The following PDAP1 variants were observed in gnomAD, a reference collection of about 807,000 sequenced individuals.
PDAP1 encodes PDGFA associated protein 1, also known as 28 kDa heat- and acid-stable phosphoprotein.
In PDAP1, 13 loss-of-function variants were observed where a neutral mutation model predicts 28.0. That is an observed-to-expected ratio of 0.46 (90% CI 0.30 to 0.74). PDAP1 has a LOEUF of 0.74. Among genes scored for constraint, PDAP1 ranks in the 30% least tolerant of loss-of-function variants. The pLI, the probability that PDAP1 is intolerant of heterozygous loss-of-function variation, is 0.07. For missense variants in PDAP1, 150 were observed against 230.0 expected (o/e 0.65, Z 2.25); for synonymous variants, 77 against 85.1 (o/e 0.91, Z 0.52).
Position 99,394,964 on chromosome 7 carries a change from CATAGGTAGAT to C in PDAP1, c.*1708_*1717del. 4 of 449,088 alleles carry C rather than the reference CATAGGTAGAT, an allele frequency of 8.9e-6. No homozygotes were observed. The highest frequency in any genetic ancestry group is 1.3e-5 in the Non-Finnish European group (4 of 305,838). The allele number at this position is 449,088 out of a possible 1,614,324, so 27.8% of individuals were successfully genotyped here. On this transcript the variant is annotated 3_prime_UTR_variant, in exon 6 of 6. Transcript: ENST00000350498. The stretch of plus-strand genomic sequence containing the variant: ...AGGGAGAGATTGGTGTTTGCACGGC[CATAGGTAGAT>C]AGCTTATTTTTACTGCTTGCCAACA...
rs1396576245 is a variant in PDAP1, at chr7:99,403,524, AC to A, written c.106-20del. On this transcript the variant is annotated intron_variant, in intron 2 of 5. Transcript: ENST00000350498. ...CTTCTTCCTGTTTCAGAAATGGACA[AC>A]CTGCAGAATCAAAAATGCAAAACAA... 6.7e-7 allele frequency: 1 copy of A among 1,490,474 alleles called. No homozygotes were observed. The highest frequency in any genetic ancestry group is 9.4e-7 in the Non-Finnish European group (1 of 1,067,436). 92.3% of individuals were successfully genotyped at this position (1,490,474 alleles called of 1,614,324 possible).
chr7:99,402,116 C>T (rs942425662), intron 3 of PDAP1, among the ~76,000 whole-genome samples: 29 of 150,628 alleles, frequency 1.9e-4, no homozygotes, highest in Non-Finnish European at 4.4e-5. Context: ...GTAGTCCCAG[C>T]TATTCGGAAG....
At chr7:99,404,980 C>A in intron 1 of PDAP1, 27 bp from the exon 2 acceptor site, 1 of 1,567,188 alleles carries the variant, frequency 6.4e-7, no homozygotes, top group South Asian at 1.1e-5. Flanking sequence ...TTTAGGTGAG[C>A]GGAAGCAGCT....
chr7:99,408,582 G>T lies in PDAP1; in HGVS notation c.-34C>A, dbSNP rs1362679047. 1.0e-5 allele frequency: 13 copies of T among 1,263,750 alleles called. No individual in the cohort carries two copies. Among genetic ancestry groups the T allele is most frequent in the Non-Finnish European group, 1.3e-5 (13 of 1,002,614 alleles). 78.3% of individuals were successfully genotyped at this position (1,263,750 alleles called of 1,614,324 possible). On this transcript the variant is annotated 5_prime_UTR_variant, in exon 1 of 6. Transcript: ENST00000350498. Reference sequence around the variant, plus strand: ...CGGCGGCTGCGGCGGCGGCGGCGGCGCCTCGAACTGACACCGGAACCGGAA... The same window carrying T: ...CGGCGGCTGCGGCGGCGGCGGCGGCTCCTCGAACTGACACCGGAACCGGAA...
chr7:99,408,008 G>A (rs1795016612), intron 1 of PDAP1, among the ~76,000 whole-genome samples: 1 of 152,200 alleles, frequency 6.6e-6, no homozygotes, highest in African/African-American at 2.4e-5. Context: ...TGGCAAATGA[G>A]AAAACGGAGA....
intron 3 of PDAP1, among the ~76,000 whole-genome samples, chr7:99,402,933 G>C (rs894285793): frequency 6.7e-6 from 1 of 149,150 alleles, no homozygotes. Context: ...CCCTTCAACA[G>C]CTACACAGGA....
chr7:99,397,741 T>C (rs1041009322), intron 5 of PDAP1, 121 bp downstream of exon 5: 13 of 1,253,630 alleles, frequency 1.0e-5, no homozygotes, highest in Non-Finnish European at 1.2e-5. Flanking sequence ...AACGACCTCC[T>C]AGGCAGCAGT....
At chr7:99,406,351 G>C (rs1794971190) in intron 1 of PDAP1, among the ~76,000 whole-genome samples, 1 of 152,182 alleles carries the variant, frequency 6.6e-6, no homozygotes, top group Non-Finnish European at 1.5e-5. Flanking sequence ...ATTTACTGCA[G>C]ATGTTGGAAA....
At chr7:99,402,401 T>C (rs1794886733) in intron 3 of PDAP1, among the ~76,000 whole-genome samples, 1 of 149,842 alleles carries the variant, frequency 6.7e-6, no homozygotes, top group African/African-American at 2.5e-5. Context: ...AGCCCAGGAG[T>C]TGGAGACCAC....
At chr7:99,397,577 C>G (rs1413475370) in intron 5 of PDAP1, among the ~76,000 whole-genome samples, 2 of 152,226 alleles carry the variant, frequency 1.3e-5, no homozygotes, top group African/African-American at 4.8e-5. Flanking sequence ...GGCATGGTTT[C>G]CTGTGACCTC....
chr7:99,400,273 C>T (rs371812388), intron 4 of PDAP1, 30 bp downstream of exon 4: 87 of 1,611,742 alleles, frequency 5.4e-5, no homozygotes, highest in Middle Eastern at 2.0e-4. Flanking sequence ...CTGTATTCCC[C>T]GTGACACAAG....
Position 99,394,904 on chromosome 7 carries a change from C to A in PDAP1, c.*1778G>T. ...CTGCACTAGAACTCGTGGGAGCAAT[C>A]CTTCTGCCTCAGCCTCCCAAGTAGC... On this transcript the variant is annotated 3_prime_UTR_variant, in exon 6 of 6. Coordinates refer to ENST00000350498, the MANE Select transcript of PDAP1 (RefSeq NM_014891.7). 1 of 998,068 alleles carries A rather than the reference C, an allele frequency of 1.0e-6. No individual in the cohort carries two copies. Among genetic ancestry groups the A allele is most frequent in the Non-Finnish European group, 1.3e-6 (1 of 784,620 alleles). The allele number at this position is 998,068 out of a possible 1,614,324, so 61.8% of individuals were successfully genotyped here. A position where few individuals can be genotyped will look rare whatever the true frequency, so the allele number is the denominator to read the frequency against.
intron 1 of PDAP1, 48 bp from the exon 2 acceptor site, chr7:99,405,001 C>G (rs1364032586): frequency 7.1e-7 from 1 of 1,400,628 alleles, no homozygotes. Context: ...GCCTTGACTG[C>G]TCTGACCCCC....
At chr7:99,398,748 G>GCCACAGGGCATAGGATGAGGA (rs1794809738) in intron 4 of PDAP1, among the ~76,000 whole-genome samples, 1 of 152,128 alleles carries the variant, frequency 6.6e-6, no homozygotes, top group Non-Finnish European at 1.5e-5. Flanking sequence ...GGAGGAAGCA[G>GCCACAGGGCATAGGATGAGGA]CCACAGGGCA....
intron 5 of PDAP1, among the ~76,000 whole-genome samples, chr7:99,397,560 T>C (rs1794791219): frequency 6.6e-6 from 1 of 152,204 alleles, no homozygotes; most frequent in Non-Finnish European, 1.5e-5. Flanking sequence ...GCAAGGTCTG[T>C]ACTAGGGGCA....
chr7:99,401,620 C>T (rs1350748780), intron 3 of PDAP1, among the ~76,000 whole-genome samples: 5 of 152,084 alleles, frequency 3.3e-5, no homozygotes, highest in African/African-American at 7.2e-5. Flanking sequence ...CCACCACACC[C>T]GGCCCAGGAT....
intron 2 of PDAP1, 53 bp from the exon 3 acceptor site, chr7:99,403,558 A>G: frequency 8.8e-7 from 1 of 1,132,076 alleles, no homozygotes; most frequent in Non-Finnish European, 1.4e-6. Flanking sequence ...CAAATCCCCA[A>G]GACTGTGACC....
At chr7:99,401,114 TC>T (rs2150905172) in intron 3 of PDAP1, among the ~76,000 whole-genome samples, 1 of 152,194 alleles carries the variant, frequency 6.6e-6, no homozygotes, top group East Asian at 1.9e-4. Flanking sequence ...TCCACACACT[TC>T]CAGTCCAGCT....
rs901597214 is a variant in PDAP1 at position 99,403,389 on chromosome 7, A to C, written c.213+9T>G. On this transcript the variant is annotated intron_variant, in intron 3 of 5. Transcript: ENST00000350498. ...GTCCAGGCTCTAGGCCCTCAAAAGAACTCAGTACCTGGTAGTCATCTTCTT... is the reference window on the plus strand; with the variant it reads ...GTCCAGGCTCTAGGCCCTCAAAAGACCTCAGTACCTGGTAGTCATCTTCTT... 3 of 1,532,798 alleles carry C rather than the reference A, an allele frequency of 2.0e-6. No individual in the cohort carries two copies. Among genetic ancestry groups the C allele is most frequent in the Non-Finnish European group, 2.7e-6 (3 of 1,106,026 alleles). 94.9% of individuals were successfully genotyped at this position (1,532,798 alleles called of 1,614,324 possible). A position where few individuals can be genotyped will look rare whatever the true frequency, so the allele number is the denominator to read the frequency against.
Sources: allele counts gnomAD v4.1 joint callset (sites outside exome capture counted in the v4.1 genomes callset), GRCh38; gene constraint gnomAD v4.1.1; transcripts MANE v1.5; gene names NCBI Gene and HGNC (gene_info 2026-07-23, HGNC 2026-07-21).